The following BAZ2B variants were observed in gnomAD, a reference collection of about 807,000 sequenced individuals.
The protein encoded by BAZ2B is bromodomain adjacent to zinc finger domain 2B.
BAZ2B carries 91 observed loss-of-function variants against 246.0 expected under a neutral mutation model. The observed-to-expected ratio is 0.37, with a 90% confidence interval of 0.31 to 0.44. BAZ2B has a LOEUF of 0.44. Among genes scored for constraint, BAZ2B ranks in the 20% least tolerant of loss-of-function variants. The pLI is 1.00. For synonymous variants in BAZ2B, 855 were observed against 860.0 expected, an observed-to-expected ratio of 0.99 and a Z score of 0.10; for missense variants, 2,332 against 2,533.7, an observed-to-expected ratio of 0.92 and a Z score of 1.71.
At chr2:159,335,975 A>C (rs978534357) in intron 33 of BAZ2B, among the ~76,000 whole-genome samples, 1 of 152,208 alleles carries the variant, frequency 6.6e-6, no homozygotes, top group Non-Finnish European at 1.5e-5. Flanking sequence ...GGCTTTGCCA[A>C]CATAGTGAAA....
chr2:159,485,314 C>G (rs1387840114), intron 2 of BAZ2B, among the ~76,000 whole-genome samples: 1 of 151,944 alleles, frequency 6.6e-6, no homozygotes, highest in Non-Finnish European at 1.5e-5. Context: ...GGCCGAAATA[C>G]CTTATCAGAC....
chr2:159,645,263 C>T, the BAZ2B span, among the ~76,000 whole-genome samples: 65 of 142,952 alleles, frequency 4.5e-4, no homozygotes, highest in African/African-American at 1.5e-3. Context: ...CAGAAAGAGC[C>T]CTGTCTCTAA....
chr2:159,315,659 G>C (rs2062036327), downstream of BAZ2B, among the ~76,000 whole-genome samples: 1 of 152,202 alleles, frequency 6.6e-6, no homozygotes, highest in African/African-American at 2.4e-5. Flanking sequence ...AATTCACAAA[G>C]CTATCACTAT....
chr2:159,658,002 C>T, the BAZ2B span, among the ~76,000 whole-genome samples: 1 of 152,178 alleles, frequency 6.6e-6, no homozygotes, highest in African/African-American at 2.4e-5. Context: ...CATCTCTGCC[C>T]TGTTTCTGAT....
At chr2:159,630,712 T>C in the BAZ2B span, among the ~76,000 whole-genome samples, 1 of 152,092 alleles carries the variant, frequency 6.6e-6, no homozygotes, top group Non-Finnish European at 1.5e-5. Context: ...TTTTTTGTAT[T>C]TTTAGTAGAG....
At chr2:159,676,245 C>T in the BAZ2B span, among the ~76,000 whole-genome samples, 2 of 151,898 alleles carry the variant, frequency 1.3e-5, no homozygotes, top group East Asian at 3.9e-4. Flanking sequence ...GTTGCCCAGG[C>T]TGGTCTTGAA....
chr2:159,453,770 C>T lies in BAZ2B; in HGVS notation c.177G>A (p.Pro59=), dbSNP rs372224760. 25 of 1,610,610 alleles carry T rather than the reference C, an allele frequency of 1.6e-5. No homozygotes were observed. The Admixed American group carries it at 1.7e-4, about 11-fold the overall frequency. The change falls in exon 4 of 37, where the codon CCG becomes CCA. Residue 59 remains proline, a synonymous_variant. Coordinates refer to ENST00000392783, the MANE Select transcript of BAZ2B (RefSeq NM_013450.4). ...CACTCGACACTGTGGACAGGTTAAACGGTTGATCCCCAGCTGTTCTGAATA... is the reference window on the plus strand; with the variant it reads ...CACTCGACACTGTGGACAGGTTAAATGGTTGATCCCCAGCTGTTCTGAATA... ...GHLFRTAGDQ[P]FNLSTVSSAF...
chr2:159,581,949 T>G, intron 1 of BAZ2B, among the ~76,000 whole-genome samples: 1 of 144,772 alleles, frequency 6.9e-6, no homozygotes, highest in African/African-American at 2.5e-5. Context: ...GGGATAGCAT[T>G]AGGAGATATA....
intron 31 of BAZ2B, 93 bp from the exon 32 acceptor site, chr2:159,337,865 C>G: frequency 8.2e-7 from 1 of 1,212,254 alleles, no homozygotes; most frequent in Non-Finnish European, 1.1e-6. Context: ...TGGATACTGG[C>G]AGATCTCAAG....
At chr2:159,705,313 C>T in the BAZ2B span, among the ~76,000 whole-genome samples, 3 of 152,074 alleles carry the variant, frequency 2.0e-5, no homozygotes, top group East Asian at 3.9e-4. Context: ...TGAGCCACCA[C>T]GCCCAGTGTA....
chr2:159,650,485 G>GT, the BAZ2B span, among the ~76,000 whole-genome samples: 1 of 152,080 alleles, frequency 6.6e-6, no homozygotes, highest in Non-Finnish European at 1.5e-5. Flanking sequence ...AAATAGTGAG[G>GT]TTTTCTAGTC....
At chr2:159,324,625 TACACACACACACACACACACACACACAC>T (rs60009917) in intron 36 of BAZ2B, among the ~76,000 whole-genome samples, 158 bp downstream of exon 36, 1,503 of 133,022 alleles carry the variant, frequency 0.011, 21 homozygotes, top group South Asian at 0.019. Flanking sequence ...TCTAACCAAA[TACACACACACACACACACACACACACAC>T]ACACACACAC....
At chr2:159,632,404 A>G in the BAZ2B span, among the ~76,000 whole-genome samples, 1 of 152,246 alleles carries the variant, frequency 6.6e-6, no homozygotes, top group African/African-American at 2.4e-5. Flanking sequence ...TTAAATAGTC[A>G]TTACCAAAAA....
the BAZ2B span, among the ~76,000 whole-genome samples, chr2:159,629,189 A>G: frequency 6.6e-6 from 1 of 152,122 alleles, no homozygotes; most frequent in East Asian, 1.9e-4. Context: ...TGCTGGGGAG[A>G]ATGTAGAGAA....
At chr2:159,659,954 T>C in the BAZ2B span, among the ~76,000 whole-genome samples, 1 of 152,208 alleles carries the variant, frequency 6.6e-6, no homozygotes, top group Admixed American at 6.5e-5. Flanking sequence ...TGAGGTAAAA[T>C]AAATATAACA....
intron 30 of BAZ2B, 36 bp downstream of exon 30, chr2:159,348,642 C>T: frequency 6.4e-7 from 1 of 1,560,366 alleles, no homozygotes; most frequent in Non-Finnish European, 8.6e-7. Flanking sequence ...CATAACTAAG[C>T]AAGAAAGAAA....
chr2:159,570,587 G>A (rs1683756690), intron 1 of BAZ2B, among the ~76,000 whole-genome samples: 1 of 152,174 alleles, frequency 6.6e-6, no homozygotes, highest in Admixed American at 6.5e-5. Context: ...ACCCTGAGAA[G>A]ATAGTGACCT....
intron 2 of BAZ2B, among the ~76,000 whole-genome samples, chr2:159,484,757 T>A (rs188659606): frequency 9.2e-5 from 14 of 152,314 alleles, no homozygotes; most frequent in African/African-American, 3.4e-4. Context: ...GCCTGAGATA[T>A]GTAAACATGA....
chr2:159,390,813 T>C (rs1451185754), intron 20 of BAZ2B, among the ~76,000 whole-genome samples: 4 of 152,188 alleles, frequency 2.6e-5, no homozygotes, highest in African/African-American at 9.6e-5. Context: ...TTCATTTTTA[T>C]ACTGCCTCTG....
Sources: gnomAD v4.1 joint callset for allele counts (sites outside exome capture counted in the v4.1 genomes callset) on GRCh38, gnomAD v4.1.1 for gene constraint, MANE v1.5 for transcripts, NCBI Gene and HGNC (gene_info 2026-07-23, HGNC 2026-07-21) for gene names.